Variants in PFKFB4 observed in about 807,000 individuals in gnomAD.
PFKFB4 encodes 6-phosphofructo-2-kinase/fructose-2,6-biphosphatase 4.
A neutral mutation model predicts 62.8 loss-of-function variants in PFKFB4; 42 were observed. That is an observed-to-expected ratio of 0.67 (90% CI 0.52 to 0.86). The LOEUF is 0.86. Ranked by LOEUF, PFKFB4 falls within the 40% of genes least tolerant of loss-of-function variation. The pLI is 0.00. For missense variants in PFKFB4, 475 were observed against 627.2 expected (o/e 0.76, Z 2.59); for synonymous variants, 204 against 240.7 (o/e 0.85, Z 1.41).
At chr3:48,528,294 G>T (rs1210317000) in intron 9 of PFKFB4, among the ~76,000 whole-genome samples, 1 of 152,152 alleles carries the variant, frequency 6.6e-6, no homozygotes, top group Non-Finnish European at 1.5e-5. Context: ...TGAAAAGGTT[G>T]AATGTATAAT....
At chr3:48,533,359 T>A (rs1354839065) in intron 9 of PFKFB4, among the ~76,000 whole-genome samples, 2 of 152,184 alleles carry the variant, frequency 1.3e-5, no homozygotes, top group Admixed American at 1.3e-4. Context: ...GATGGTAAAT[T>A]TTATGTTATG....
At chr3:48,562,952 G>T (rs1374969354), upstream of PFKFB4, 3 of 1,605,006 alleles carry the variant, frequency 1.9e-6, no homozygotes, top group Non-Finnish European at 2.6e-6. The surrounding 1 kb of genome is among the most constrained non-coding windows in gnomAD (Gnocchi z 4.3). Context: ...GTGGCTCTGG[G>T]CAGCCCACGG....
chr3:48,525,526 G>T, intron 10 of PFKFB4, 39 bp downstream of exon 10: 2 of 1,113,750 alleles, frequency 1.8e-6, no homozygotes, highest in Non-Finnish European at 1.3e-6. Context: ...TCCCAGGCGG[G>T]CAGTAGGTGG....
intron 9 of PFKFB4, among the ~76,000 whole-genome samples, chr3:48,531,390 G>A (rs567934070): frequency 2.6e-5 from 4 of 151,874 alleles, no homozygotes; most frequent in African/African-American, 4.8e-5. Flanking sequence ...CCAGCTACTC[G>A]GGAGGCTGAG....
At chr3:48,544,429 C>T (rs1170646546) in intron 3 of PFKFB4, among the ~76,000 whole-genome samples, 4 of 144,758 alleles carry the variant, frequency 2.8e-5, no homozygotes, top group Admixed American at 6.9e-5. Context: ...ACTGACTATA[C>T]AGTTTTCAGA....
intron 9 of PFKFB4, among the ~76,000 whole-genome samples, chr3:48,531,428 C>A (rs556837944): frequency 6.7e-6 from 1 of 148,792 alleles, no homozygotes; most frequent in South Asian, 2.2e-4. Context: ...ACCCGGGAAG[C>A]AGAAATTTTT....
chr3:48,535,686 C>T, intron 8 of PFKFB4, 28 bp from the exon 9 acceptor site: 1 of 1,613,654 alleles, frequency 6.2e-7, no homozygotes, highest in African/African-American at 1.3e-5. Flanking sequence ...CAAACTCAGA[C>T]CCACAGGTCT....
At position 48,556,668 on chromosome 3, in the gene PFKFB4, G is replaced by T. The variant is rs769153180; in HGVS notation, c.97+13C>A. 3.7e-6 allele frequency: 6 copies of T among 1,610,360 alleles called. No individual in the cohort carries two copies. In the East Asian group the frequency reaches 6.7e-5, roughly 18 times the overall value. ...GTGCACCTCCCACCTCCTCCCAGAGGACCCCGCCTCACCACCGCGCTGGCA... is the reference window on the plus strand; with the variant it reads ...GTGCACCTCCCACCTCCTCCCAGAGTACCCCGCCTCACCACCGCGCTGGCA... On this transcript the variant is annotated intron_variant, in intron 1 of 13. Transcript: ENST00000232375. The surrounding 1 kb of genome is among the most constrained non-coding windows in gnomAD (Gnocchi z 5.7).
At chr3:48,535,975 T>C (rs781209802) in intron 8 of PFKFB4, among the ~76,000 whole-genome samples, 1 of 152,210 alleles carries the variant, frequency 6.6e-6, no homozygotes, top group Admixed American at 6.5e-5. Context: ...AGCTATCTGC[T>C]ACACTGTATG....
chr3:48,544,419 A>G (rs1403547002), intron 3 of PFKFB4, among the ~76,000 whole-genome samples: 1 of 147,820 alleles, frequency 6.8e-6, no homozygotes, highest in Non-Finnish European at 1.5e-5. Flanking sequence ...ATGACCAAAC[A>G]CTGACTATAC....
chr3:48,555,917 A>T (rs1231838073), intron 1 of PFKFB4, among the ~76,000 whole-genome samples: 1 of 152,084 alleles, frequency 6.6e-6, no homozygotes, highest in Non-Finnish European at 1.5e-5. Context: ...TTAAAAAAAA[A>T]AAAAACTGCC....
At chr3:48,542,329 A>G (rs13079292) in intron 4 of PFKFB4, among the ~76,000 whole-genome samples, 144,191 of 146,110 alleles carry the variant, frequency 0.99, 71,162 homozygotes, top group East Asian at 1. Context: ...GCGAGACTCC[A>G]TCTCAAAAAA....
At chr3:48,544,441 CTTTTTTTTTTTTT>C (rs34817026) in intron 3 of PFKFB4, among the ~76,000 whole-genome samples, 1 of 100,368 alleles carries the variant, frequency 1.0e-5, no homozygotes, top group East Asian at 3.1e-4. Context: ...GTTTTCAGAT[CTTTTTTTTTTTTT>C]TTTTTTTTTT....
chr3:48,544,005 G>A (rs1485316840), intron 3 of PFKFB4, among the ~76,000 whole-genome samples: 3 of 90,146 alleles, frequency 3.3e-5, no homozygotes, highest in African/African-American at 4.6e-5. Context: ...CCCCCCGCCC[G>A]CCTTTTATTT....
intron 5 of PFKFB4, 48 bp downstream of exon 5, chr3:48,539,649 G>A: frequency 6.8e-7 from 1 of 1,474,994 alleles, no homozygotes; most frequent in Non-Finnish European, 9.5e-7. Context: ...CTGGAGGGCA[G>A]GGGACATGCC....
chr3:48,537,613 T>TC (rs1221299289), intron 7 of PFKFB4, among the ~76,000 whole-genome samples: 3 of 138,772 alleles, frequency 2.2e-5, no homozygotes, highest in African/African-American at 8.1e-5. Flanking sequence ...AGCCTTGACC[T>TC]CCCTGGGCTT....
chr3:48,551,234 G>C (rs1457710127), intron 1 of PFKFB4, among the ~76,000 whole-genome samples: 1 of 45,948 alleles, frequency 2.2e-5, no homozygotes, highest in Non-Finnish European at 4.3e-5. Flanking sequence ...TTTTTTTTTT[G>C]AGACGGAGTC....
intron 8 of PFKFB4, 148 bp from the exon 9 acceptor site, chr3:48,535,806 C>G (rs2107521726): frequency 1.1e-6 from 1 of 877,862 alleles, no homozygotes; most frequent in East Asian, 2.6e-5. Context: ...CGATGACACA[C>G]ATGCTGACAC....
At chr3:48,556,925 A>G, upstream of PFKFB4, 2 of 1,409,036 alleles carry the variant, frequency 1.4e-6, no homozygotes, top group East Asian at 2.9e-5. The surrounding 1 kb of genome is among the most constrained non-coding windows in gnomAD (Gnocchi z 5.7). Context: ...CCCCAGAGTG[A>G]GTAGGCTCCG....
Sources: allele counts gnomAD v4.1 joint callset (sites outside exome capture counted in the v4.1 genomes callset), GRCh38; gene constraint gnomAD v4.1.1; non-coding constraint Gnocchi (gnomAD v3.1); transcripts MANE v1.5; gene names NCBI Gene and HGNC (gene_info 2026-07-23, HGNC 2026-07-21).